SPTLC3: variants seen among roughly 807,000 people sequenced by gnomAD.
SPTLC3 encodes the protein serine palmitoyltransferase 3.
Under a neutral mutation model 59.3 loss-of-function variants are expected in SPTLC3, and 36 were observed. The observed-to-expected ratio is 0.61, with a 90% CI of 0.47 to 0.80. The LOEUF (loss-of-function observed/expected upper bound fraction) is 0.80, where lower values mean the gene tolerates loss of function less well. Among genes scored for constraint, SPTLC3 ranks in the 30% least tolerant of loss-of-function variants. The pLI is 0.00. For missense variants in SPTLC3, 625 were observed against 685.1 expected, an observed-to-expected ratio of 0.91 and a Z score of 0.98; for synonymous variants, 257 against 240.8, an observed-to-expected ratio of 1.07 and a Z score of -0.62.
chr20:13,081,800 C>A (rs905723387), intron 4 of SPTLC3, among the ~76,000 whole-genome samples: 2 of 152,118 alleles, frequency 1.3e-5, no homozygotes, highest in African/African-American at 2.4e-5. Context: ...ATTATAGATT[C>A]CAATTAATGA....
intron 2 of SPTLC3, among the ~76,000 whole-genome samples, chr20:13,057,415 A>G (rs765578118): frequency 1.1e-4 from 17 of 152,214 alleles, no homozygotes; most frequent in African/African-American, 3.1e-4. Context: ...ATAAGAATTT[A>G]TTAATCCAAT....
chr20:13,072,616 T>TA (rs1212752011), intron 3 of SPTLC3, among the ~76,000 whole-genome samples: 1 of 152,176 alleles, frequency 6.6e-6, no homozygotes, highest in Non-Finnish European at 1.5e-5. Flanking sequence ...TTTTGTATTG[T>TA]AATTAACCTA....
At position 13,009,169 on chromosome 20, in the gene SPTLC3, G is replaced by A. The variant is rs1985088815; in HGVS notation, c.-99G>A. On this transcript the variant is annotated 5_prime_UTR_variant, in exon 1 of 12. Coordinates refer to ENST00000399002, the MANE Select transcript of SPTLC3 (RefSeq NM_018327.4). ...TTGGTAAGATTCCTTTAAGGGCTCA[G>A]CCCCAAAGAGCTTTATCCCATCCCC... is the stretch of plus-strand genomic sequence containing the variant. 15 of 871,270 alleles carry A rather than the reference G, an allele frequency of 1.7e-5. No homozygotes were observed. The highest frequency in any genetic ancestry group is 2.4e-5 in the Non-Finnish European group (13 of 541,160). The allele number at this position is 871,270 out of a possible 1,614,324, so 54.0% of individuals were successfully genotyped here.
chr20:13,052,543 C>T (rs1213733020), intron 2 of SPTLC3, among the ~76,000 whole-genome samples: 1 of 152,044 alleles, frequency 6.6e-6, no homozygotes, highest in Admixed American at 6.5e-5. Context: ...TGAGACAGAA[C>T]CATTCACTCC....
chr20:13,146,912 T>A (rs549862782), intron 9 of SPTLC3, among the ~76,000 whole-genome samples: 1 of 152,342 alleles, frequency 6.6e-6, no homozygotes, highest in African/African-American at 2.4e-5. Flanking sequence ...GCGTAATGCC[T>A]TCATGATCTC....
At chr20:13,080,219 G>A (rs934674200) in intron 4 of SPTLC3, among the ~76,000 whole-genome samples, 1 of 151,866 alleles carries the variant, frequency 6.6e-6, no homozygotes, top group Non-Finnish European at 1.5e-5. Context: ...TTCAAAACAG[G>A]CAAAACTTGG....
At chr20:13,037,680 G>A (rs1184897262) in intron 1 of SPTLC3, among the ~76,000 whole-genome samples, 1 of 152,102 alleles carries the variant, frequency 6.6e-6, no homozygotes, top group Non-Finnish European at 1.5e-5. Context: ...AGGTTATCAA[G>A]AATAAAATGA....
At chr20:13,045,713 C>A (rs1421538690) in intron 1 of SPTLC3, among the ~76,000 whole-genome samples, 1 of 151,990 alleles carries the variant, frequency 6.6e-6, no homozygotes, top group Non-Finnish European at 1.5e-5. Flanking sequence ...GAAATTTTCT[C>A]CTTTGTGTTA....
intron 2 of SPTLC3, chr20:13,050,779 C>T (rs1600231894): frequency 1.3e-5 from 2 of 152,268 alleles, no homozygotes; most frequent in East Asian, 3.9e-4. Flanking sequence ...CTTCAGCCCC[C>T]TCAAACAAAA....
intron 2 of SPTLC3, chr20:13,050,118 G>A (rs898580483): frequency 6.6e-6 from 1 of 152,180 alleles, no homozygotes; most frequent in African/African-American, 2.4e-5. Context: ...GAATTCAGGA[G>A]GTTATTAAGC....
At chr20:13,046,451 T>C (rs1159145065) in intron 1 of SPTLC3, among the ~76,000 whole-genome samples, 4 of 152,224 alleles carry the variant, frequency 2.6e-5, no homozygotes, top group Non-Finnish European at 5.9e-5. Context: ...GTTTTCTTTT[T>C]CCTCTTCCTT....
chr20:13,067,381 T>C (rs561699066), intron 2 of SPTLC3, among the ~76,000 whole-genome samples: 2 of 152,232 alleles, frequency 1.3e-5, no homozygotes, highest in South Asian at 4.2e-4. Context: ...CTGGCTTTAT[T>C]AGCTTACATC....
chr20:13,019,686 A>G (rs1985763658), intron 1 of SPTLC3, among the ~76,000 whole-genome samples: 1 of 152,180 alleles, frequency 6.6e-6, no homozygotes, highest in South Asian at 2.1e-4. Context: ...ACCAAACCAC[A>G]ACTCTCAGAT....
intron 1 of SPTLC3, among the ~76,000 whole-genome samples, chr20:13,031,669 A>G (rs1003111464): frequency 2.0e-5 from 3 of 152,138 alleles, no homozygotes; most frequent in Non-Finnish European, 4.4e-5. Context: ...GCTGTAAGAC[A>G]CTACCCAAGT....
rs142237207 is a variant in SPTLC3 at position 13,161,254 on chromosome 20, T to C, written c.1545+1122T>C. On this transcript the variant is annotated intron_variant, in intron 11 of 11. Transcript: ENST00000399002. Reference sequence around the variant, plus strand: ...GGTGAAGCACTTAAATGAGATAAGGTATACAGTAAGGAACAGCAAATTTTC... The same window carrying C: ...GGTGAAGCACTTAAATGAGATAAGGCATACAGTAAGGAACAGCAAATTTTC... Among the ~76,000 whole-genome samples the C allele has an allele frequency of 2.0e-5, 3 of 152,260 alleles. No homozygotes were observed. The East Asian group carries it at 5.8e-4, about 29-fold the overall frequency.
chr20:13,079,881 C>T, intron 4 of SPTLC3: 1 of 384,580 alleles, frequency 2.6e-6, no homozygotes. Context: ...AGGCAGCCTG[C>T]TCCCAACCCA....
intron 9 of SPTLC3, among the ~76,000 whole-genome samples, chr20:13,131,167 G>T (rs1029394370): frequency 6.6e-6 from 1 of 152,146 alleles, no homozygotes; most frequent in Non-Finnish European, 1.5e-5. Context: ...TATTACTCAT[G>T]TTTAAATCTT....
At chr20:13,100,731 A>G (rs1262882450) in intron 6 of SPTLC3, among the ~76,000 whole-genome samples, 6 of 152,250 alleles carry the variant, frequency 3.9e-5, no homozygotes, top group East Asian at 1.9e-4. Context: ...GGTTCATTTA[A>G]TTTTAACAGC....
At chr20:13,052,543 C>A (rs1213733020) in intron 2 of SPTLC3, among the ~76,000 whole-genome samples, 1 of 152,044 alleles carries the variant, frequency 6.6e-6, no homozygotes, top group Non-Finnish European at 1.5e-5. Context: ...TGAGACAGAA[C>A]CATTCACTCC....
Sources: gnomAD v4.1 joint callset for allele counts (sites outside exome capture counted in the v4.1 genomes callset) on GRCh38, gnomAD v4.1.1 for gene constraint, MANE v1.5 for transcripts, NCBI Gene and HGNC (gene_info 2026-07-23, HGNC 2026-07-21) for gene names.